Variants in CACHD1 observed in about 807,000 individuals in gnomAD.
CACHD1 encodes VWFA and cache domain-containing protein 1.
In CACHD1, 71 loss-of-function variants were observed where a neutral mutation model predicts 138.7. That is an observed-to-expected ratio of 0.51 (90% confidence interval 0.42 to 0.62). CACHD1 has a LOEUF of 0.62. Among genes scored for constraint, CACHD1 ranks in the 20% least tolerant of loss-of-function variants. The pLI is 0.00. For synonymous variants in CACHD1, 578 were observed against 591.5 expected (o/e 0.98, Z 0.33); for missense variants, 1,389 against 1,625.3 (o/e 0.85, Z 2.50).
At chr1:64,493,369 G>A (rs1646289138) in intron 1 of CACHD1, among the ~76,000 whole-genome samples, 1 of 152,108 alleles carries the variant, frequency 6.6e-6, no homozygotes, top group African/African-American at 2.4e-5. Context: ...ACCCATGAGG[G>A]GCTTAATAAA....
intron 1 of CACHD1, among the ~76,000 whole-genome samples, chr1:64,545,697 C>T (rs1646713108): frequency 1.3e-5 from 2 of 152,150 alleles, no homozygotes; most frequent in Admixed American, 1.3e-4. Flanking sequence ...TTGATGAACA[C>T]ACAACCATGT....
chr1:64,665,471 A>G (rs1328702771), intron 15 of CACHD1, among the ~76,000 whole-genome samples: 2 of 152,030 alleles, frequency 1.3e-5, no homozygotes, highest in Non-Finnish European at 2.9e-5. Context: ...AAACAAAACA[A>G]AAAAACAAAA....
Position 64,651,613 on chromosome 1 carries a change from C to T in CACHD1, c.1391-548C>T, listed in dbSNP as rs916417150. On this transcript the variant is annotated intron_variant, in intron 9 of 26. Transcript: ENST00000651257. Reference sequence around the variant, plus strand: ...GAGGCCACCATGAGCTATGATCGCACCACTGCATTCCAACCTGGGTGACAG... The same window carrying T: ...GAGGCCACCATGAGCTATGATCGCATCACTGCATTCCAACCTGGGTGACAG... Among the ~76,000 whole-genome samples, 10 of 152,188 alleles carry T rather than the reference C, an allele frequency of 6.6e-5. 1 individual carries two copies. The highest frequency in any genetic ancestry group is 2.2e-4 in the African/African-American group (9 of 41,516).
At chr1:64,501,851 T>C (rs1428572286) in intron 1 of CACHD1, among the ~76,000 whole-genome samples, 1 of 152,216 alleles carries the variant, frequency 6.6e-6, no homozygotes, top group Non-Finnish European at 1.5e-5. Flanking sequence ...GGCTTACGTG[T>C]AGATTTGAGC....
chr1:64,544,630 C>CTT (rs34385450), intron 1 of CACHD1, among the ~76,000 whole-genome samples: 23 of 146,390 alleles, frequency 1.6e-4, no homozygotes, highest in East Asian at 1.4e-3. Flanking sequence ...AGATGTTTGT[C>CTT]TTTTTTTTTT....
chr1:64,538,351 A>G (rs1646651096), intron 1 of CACHD1, among the ~76,000 whole-genome samples: 1 of 152,210 alleles, frequency 6.6e-6, no homozygotes, highest in Admixed American at 6.5e-5. Context: ...CAGCAGTTTC[A>G]GAGATATATT....
chr1:64,686,526 G>A (rs1650376984), intron 26 of CACHD1, among the ~76,000 whole-genome samples: 1 of 152,134 alleles, frequency 6.6e-6, no homozygotes, highest in Non-Finnish European at 1.5e-5. Context: ...TAGAATGATT[G>A]ATTTTCAGCA....
chr1:64,663,670 C>T (rs1294444318), intron 13 of CACHD1, 25 bp from the exon 14 acceptor site: 1 of 1,613,696 alleles, frequency 6.2e-7, no homozygotes, highest in Non-Finnish European at 8.5e-7. Context: ...CATTCTCAGG[C>T]CTGCTTTGTT....
chr1:64,666,868 AAAAAC>A, intron 16 of CACHD1, among the ~76,000 whole-genome samples: 1 of 144,088 alleles, frequency 6.9e-6, no homozygotes, highest in African/African-American at 2.7e-5. Context: ...AAAAAAAAAA[AAAAAC>A]GAGAAAGAAA....
intron 1 of CACHD1, among the ~76,000 whole-genome samples, chr1:64,544,477 TG>T (rs1289613570): frequency 6.6e-6 from 1 of 152,022 alleles, no homozygotes; most frequent in Non-Finnish European, 1.5e-5. Context: ...TCAATTAATT[TG>T]GGAGATTTGG....
At chr1:64,643,568 G>A (rs1648798203) in intron 8 of CACHD1, among the ~76,000 whole-genome samples, 1 of 152,196 alleles carries the variant, frequency 6.6e-6, no homozygotes, top group African/African-American at 2.4e-5. Context: ...CGAGCTCGGT[G>A]GCTCATGCCT....
At chr1:64,569,046 C>T (rs529497412) in intron 2 of CACHD1, among the ~76,000 whole-genome samples, 19 of 152,144 alleles carry the variant, frequency 1.2e-4, no homozygotes, top group Non-Finnish European at 2.6e-4. Context: ...CTCAGCCTCC[C>T]GAGTAGCTGG....
At chr1:64,494,771 T>C (rs919547170) in intron 1 of CACHD1, among the ~76,000 whole-genome samples, 8 of 152,328 alleles carry the variant, frequency 5.3e-5, no homozygotes, top group African/African-American at 1.9e-4. Flanking sequence ...TTAGTGTTTT[T>C]TATGTGCCAG....
intron 1 of CACHD1, among the ~76,000 whole-genome samples, chr1:64,521,031 C>T (rs559566277): frequency 2.0e-5 from 3 of 152,312 alleles, no homozygotes; most frequent in African/African-American, 7.2e-5. Context: ...TTATTCTATC[C>T]CAGTTTCTTT....
intron 1 of CACHD1, among the ~76,000 whole-genome samples, chr1:64,482,904 C>T (rs1163392417): frequency 2.0e-5 from 3 of 152,180 alleles, no homozygotes; most frequent in Non-Finnish European, 4.4e-5. Context: ...TACTCATCTG[C>T]GTAGTCCTGG....
At chr1:64,626,443 T>C (rs902367319) in intron 4 of CACHD1, among the ~76,000 whole-genome samples, 1 of 152,242 alleles carries the variant, frequency 6.6e-6, no homozygotes, top group African/African-American at 2.4e-5. Flanking sequence ...CTCACTCGGA[T>C]GGAAAACGGG....
intron 1 of CACHD1, among the ~76,000 whole-genome samples, chr1:64,517,838 A>G (rs1403360138): frequency 6.6e-6 from 1 of 152,206 alleles, no homozygotes; most frequent in East Asian, 1.9e-4. Flanking sequence ...ACACTTGAAA[A>G]GTATATTCCA....
rs143899679 is a variant in CACHD1, at chr1:64,544,013, T to A, written c.199-6581T>A. Among the ~76,000 whole-genome samples, 16 of 152,032 alleles carry A rather than the reference T, an allele frequency of 1.1e-4. No individual in the cohort carries two copies. The East Asian group carries it at 3.1e-3, about 30-fold the overall frequency. On this transcript the variant is annotated intron_variant, in intron 1 of 26. Coordinates refer to ENST00000651257, the MANE Select transcript of CACHD1 (RefSeq NM_020925.4). ...TGATTTTTAAAAAAATTTGTTTAAA[T>A]GACAGCATTTTGTCTTTTAGGGGTT... is the stretch of plus-strand genomic sequence containing the variant.
chr1:64,676,926 G>C lies in CACHD1; in HGVS notation c.3007G>C (p.Val1003Leu). 6.2e-7 allele frequency: 1 copy of C among 1,613,826 alleles called. No individual in the cohort carries two copies. The highest frequency in any genetic ancestry group is 8.5e-7 in the Non-Finnish European group (1 of 1,179,886). The stretch of plus-strand genomic sequence containing the variant: ...CAGCTGCGAGGTCCACCAGGAGCCG[G>C]TGACATACACAGCTATTGACCCTGG... ...NPSCEVHQEPVTYTAIDPGLQ... is the reference protein window; with the variant it reads ...NPSCEVHQEPLTYTAIDPGLQ... Residue 1003 changes from valine (V) to leucine (L), a missense_variant, in exon 22 of 27, where the codon GTG becomes CTG. Transcript: ENST00000651257.
Sources: allele counts gnomAD v4.1 joint callset (sites outside exome capture counted in the v4.1 genomes callset), GRCh38; gene constraint gnomAD v4.1.1; transcripts MANE v1.5; gene names NCBI Gene and HGNC (gene_info 2026-07-23, HGNC 2026-07-21).